The following GABRA1 variants were observed in gnomAD, a reference collection of about 807,000 sequenced individuals.
GABRA1 encodes the protein gamma-aminobutyric acid type A receptor subunit alpha1, also known as gamma-aminobutyric acid receptor subunit alpha-1.
Under a neutral mutation model 48.9 loss-of-function variants are expected in GABRA1, and 9 were observed. That is an observed-to-expected ratio of 0.18 (90% CI 0.11 to 0.32). GABRA1 has a LOEUF of 0.32. Among genes scored for constraint, GABRA1 ranks in the 10% least tolerant of loss-of-function variants. The pLI is 1.00. For missense variants in GABRA1, 285 were observed against 553.8 expected (o/e 0.51, Z 4.87); for synonymous variants, 210 against 198.7 (o/e 1.06, Z -0.48).
At chr5:161,878,734 GA>G (rs2113400157) in intron 6 of GABRA1, among the ~76,000 whole-genome samples, 2 of 152,284 alleles carry the variant, frequency 1.3e-5, no homozygotes, top group African/African-American at 4.8e-5. Flanking sequence ...CACTGCTTTT[GA>G]GAAATATACC....
chr5:161,867,097 C>A (rs1485505673), intron 4 of GABRA1, among the ~76,000 whole-genome samples: 1 of 152,084 alleles, frequency 6.6e-6, no homozygotes, highest in East Asian at 1.9e-4. Context: ...GTCAATCATA[C>A]TTGTGAATGT....
intron 2 of GABRA1, among the ~76,000 whole-genome samples, chr5:161,853,052 C>A (rs1258718036): frequency 6.6e-6 from 1 of 151,500 alleles, no homozygotes; most frequent in Non-Finnish European, 1.5e-5. Flanking sequence ...TAGTTTACAC[C>A]CTATATTCAT....
intron 6 of GABRA1, among the ~76,000 whole-genome samples, chr5:161,876,453 C>T (rs1184764384): frequency 2.6e-5 from 4 of 152,014 alleles, no homozygotes; most frequent in Admixed American, 6.6e-5. Context: ...ACTACCTAAC[C>T]GATTTTCTGT....
rs574602367 is a variant in GABRA1 at position 161,899,070 on chromosome 5, C to G, written c.*1648C>G. 1 of 152,536 alleles carries G rather than the reference C, an allele frequency of 6.6e-6. No homozygotes were observed. The highest frequency in any genetic ancestry group is 1.9e-4 in the East Asian group (1 of 5,180). 9.4% of individuals were successfully genotyped at this position (152,536 alleles called of 1,614,324 possible). On this transcript the variant is annotated 3_prime_UTR_variant, in exon 10 of 10. Coordinates refer to ENST00000393943, the MANE Select transcript of GABRA1 (RefSeq NM_001127644.2). ...TCTCCTTTTGTCTGATAGAGTTTAA[C>G]AGATATTTAAATTTAGTGCTCAGAA...
rs542383878 is a variant in GABRA1, at chr5:161,890,876, T to C, written c.704-22T>C. On this transcript the variant is annotated intron_variant, in intron 7 of 9. Coordinates refer to ENST00000393943, the MANE Select transcript of GABRA1 (RefSeq NM_001127644.2). The stretch of plus-strand genomic sequence containing the variant: ...TTTCTAAAGTCAAATTGCTCATCTT[T>C]CTTGTGTGTTTTACTTCTCAGGAGA... 28 of 1,611,484 alleles carry C rather than the reference T, an allele frequency of 1.7e-5. No individual in the cohort carries two copies. In the East Asian group the frequency reaches 5.4e-4, roughly 31 times the overall value.
At chr5:161,852,064 C>T (rs996470194) in intron 2 of GABRA1, among the ~76,000 whole-genome samples, 2 of 151,762 alleles carry the variant, frequency 1.3e-5, no homozygotes, top group African/African-American at 4.8e-5. Flanking sequence ...GGGTTTTTTT[C>T]TGGCAATTAA....
chr5:161,854,046 G>A lies in GABRA1; in HGVS notation c.75-112G>A, dbSNP rs765163189. On this transcript the variant is annotated intron_variant, in intron 2 of 9. Coordinates refer to ENST00000393943, the MANE Select transcript of GABRA1 (RefSeq NM_001127644.2). The stretch of plus-strand genomic sequence containing the variant: ...TACCTTGTGAAAAAATAATTTTCAA[G>A]TTAAGATTCAGTAGAAACCAAAGTA... 355 of 555,016 alleles carry A rather than the reference G, an allele frequency of 6.4e-4. 2 individuals carry two copies. Among genetic ancestry groups the A allele is most frequent in the Middle Eastern group, 2.9e-3 (9 of 3,096 alleles). The allele number at this position is 555,016 out of a possible 1,614,324, so 34.4% of individuals were successfully genotyped here.
At position 161,897,880 on chromosome 5, in the gene GABRA1, T is replaced by G. The variant is rs1377026358; in HGVS notation, c.*458T>G. 6.4e-6 allele frequency: 1 copy of G among 156,716 alleles called. No individual in the cohort carries two copies. The highest frequency in any genetic ancestry group is 2.4e-5 in the African/African-American group (1 of 41,450). The allele number at this position is 156,716 out of a possible 1,614,324, so 9.7% of individuals were successfully genotyped here. ...GAAGAAAAAATTTTAAAAATCTACG[T>G]CTTTATTACACAAACTATGGTGTGC... On this transcript the variant is annotated 3_prime_UTR_variant, in exon 10 of 10. Transcript: ENST00000393943.
chr5:161,875,583 C>T lies in GABRA1; in HGVS notation c.500C>T (p.Pro167Leu), dbSNP rs750728250. Residue 167 changes from proline (P) to leucine (L), a missense_variant, in exon 6 of 10, where the codon CCG becomes CTG. This residue lies in a region of GABRA1 where 105 missense variants were observed against 267.4 expected (regional missense o/e 0.39). Transcript: ENST00000393943. ...AGGCTGACAGTGAGAGCTGAATGTCCGATGCATTTGGAGGACTTCCCTATG... is the reference window on the plus strand; with the variant it reads ...AGGCTGACAGTGAGAGCTGAATGTCTGATGCATTTGGAGGACTTCCCTATG... The part of the protein sequence containing the change: ...TMRLTVRAEC[P>L]MHLEDFPMDA... 1 of 1,613,422 alleles carries T rather than the reference C, an allele frequency of 6.2e-7. No individual in the cohort carries two copies.
chr5:161,892,925 A>G (rs1581217296), intron 8 of GABRA1, among the ~76,000 whole-genome samples: 1 of 151,174 alleles, frequency 6.6e-6, no homozygotes, highest in Admixed American at 6.6e-5. Flanking sequence ...AATGGCTTGA[A>G]CCCTGGAGGT....
chr5:161,875,557 A>T lies in GABRA1; in HGVS notation c.477-3A>T, dbSNP rs1390761212. 1 of 1,611,634 alleles carries T rather than the reference A, an allele frequency of 6.2e-7. No homozygotes were observed. The highest frequency in any genetic ancestry group is 8.5e-7 in the Non-Finnish European group (1 of 1,177,884). On this transcript the variant is annotated splice_region_variant and splice_polypyrimidine_tract_variant and intron_variant, in intron 5 of 9. Coordinates refer to ENST00000393943, the MANE Select transcript of GABRA1 (RefSeq NM_001127644.2). ...CTTGTTTGTATTCTATGTTTCCCTT[A>T]AGGCTGACAGTGAGAGCTGAATGTC... is the stretch of plus-strand genomic sequence containing the variant.
At chr5:161,879,141 C>T (rs1274374872) in intron 6 of GABRA1, among the ~76,000 whole-genome samples, 1 of 152,168 alleles carries the variant, frequency 6.6e-6, no homozygotes, top group East Asian at 1.9e-4. Context: ...CAGGGTCTCT[C>T]TCTGTTGCCC....
chr5:161,897,470 T>C lies in GABRA1; in HGVS notation c.*48T>C. On this transcript the variant is annotated 3_prime_UTR_variant, in exon 10 of 10. Coordinates refer to ENST00000393943, the MANE Select transcript of GABRA1 (RefSeq NM_001127644.2). The stretch of plus-strand genomic sequence containing the variant: ...TTCAGTCCTCTGCACTGGGAATTTA[T>C]TTATGTTCTCAACGCAGTAATTCCC... The C allele has an allele frequency of 6.6e-7, 1 of 1,503,776 alleles. No homozygotes were observed. The allele number at this position is 1,503,776 out of a possible 1,614,324, so 93.2% of individuals were successfully genotyped here. A position where few individuals can be genotyped will look rare whatever the true frequency, so the allele number is the denominator to read the frequency against.
chr5:161,868,761 A>G (rs916318527), intron 4 of GABRA1, among the ~76,000 whole-genome samples: 1 of 152,210 alleles, frequency 6.6e-6, no homozygotes, highest in African/African-American at 2.4e-5. Flanking sequence ...AAAATAGGTG[A>G]CATGCCTTTG....
At chr5:161,884,952 T>C (rs1754780918) in intron 7 of GABRA1, among the ~76,000 whole-genome samples, 1 of 152,082 alleles carries the variant, frequency 6.6e-6, no homozygotes, top group Non-Finnish European at 1.5e-5. Context: ...TTCTGGATAC[T>C]CAGAAAAAAT....
chr5:161,863,582 T>G (rs1407256033), intron 3 of GABRA1, among the ~76,000 whole-genome samples: 1 of 151,860 alleles, frequency 6.6e-6, no homozygotes, highest in Non-Finnish European at 1.5e-5. Flanking sequence ...TCCAAACACT[T>G]CCCACCAGGC....
chr5:161,866,685 T>C (rs1202904862), intron 4 of GABRA1, among the ~76,000 whole-genome samples: 2 of 152,070 alleles, frequency 1.3e-5, no homozygotes, highest in African/African-American at 4.8e-5. Context: ...CAAAACTATA[T>C]TTTATCTGGT....
Position 161,887,779 on chromosome 5 carries a change from T to G in GABRA1, c.704-3119T>G, listed in dbSNP as rs1020026229. Among the ~76,000 whole-genome samples the G allele has an allele frequency of 2.6e-5, 4 of 152,156 alleles. No homozygotes were observed. In the East Asian group the frequency reaches 7.7e-4, roughly 29 times the overall value. On this transcript the variant is annotated intron_variant, in intron 7 of 9. Transcript: ENST00000393943. ...GAGAGAGAATGCATGTCTGTGTTTT[T>G]AATCTTCATACTGTAAATGTCCATA...
At chr5:161,873,400 C>T (rs1256212232) in intron 5 of GABRA1, 63 bp downstream of exon 5, 5 of 1,307,852 alleles carry the variant, frequency 3.8e-6, no homozygotes, top group Non-Finnish European at 5.5e-6. Context: ...CACTTGTAGG[C>T]AATCATCAGG....
Sources: gnomAD v4.1 joint callset for allele counts (sites outside exome capture counted in the v4.1 genomes callset) on GRCh38, gnomAD v4.1.1 for gene constraint, gnomAD v4.1.1 regional missense constraint, MANE v1.5 for transcripts, NCBI Gene and HGNC (gene_info 2026-07-23, HGNC 2026-07-21) for gene names.